The following CCDC120 variants were observed in gnomAD, a reference collection of about 807,000 sequenced individuals.
CCDC120 encodes the protein coiled-coil domain-containing protein 120.
In CCDC120, 16 loss-of-function variants were observed where a neutral mutation model predicts 37.6. That is an observed-to-expected ratio of 0.43 (90% CI 0.29 to 0.65). The LOEUF (loss-of-function observed/expected upper bound fraction) is 0.65, where lower values mean the gene tolerates loss of function less well. Ranked by LOEUF, CCDC120 falls within the 30% of genes least tolerant of loss-of-function variation. CCDC120 has a pLI of 0.18. For synonymous variants in CCDC120, 309 were observed against 275.4 expected (o/e 1.12, Z -1.21); for missense variants, 650 against 657.4 (o/e 0.99, Z 0.12).
At position 49,068,784 on chromosome X, in the gene CCDC120, C is replaced by A; in HGVS notation, c.*126C>A. ...AGCAGAGTGCGCCAACCTAATCTTCCAAGGCCCCTGGCTCCCCGTAGGCCC... is the reference window on the plus strand; with the variant it reads ...AGCAGAGTGCGCCAACCTAATCTTCAAAGGCCCCTGGCTCCCCGTAGGCCC... On this transcript the variant is annotated 3_prime_UTR_variant, in exon 11 of 11. Coordinates refer to ENST00000603986, the MANE Select transcript of CCDC120 (RefSeq NM_001163321.4). 3.0e-6 allele frequency: 2 copies of A among 668,432 alleles called. No homozygotes were observed. Among genetic ancestry groups the A allele is most frequent in the Non-Finnish European group, 4.0e-6 (2 of 503,042 alleles). 55.1% of individuals were successfully genotyped at this position (668,432 alleles called of 1,213,427 possible).
At chrX:49,056,033 C>T (rs1171193728), upstream of CCDC120, among the ~76,000 whole-genome samples, 1 of 111,706 alleles carries the variant, frequency 9.0e-6, no homozygotes, top group Non-Finnish European at 1.9e-5. Flanking sequence ...AGTGAGGGTA[C>T]CCTGTTATGT....
rs782047100 is a variant in CCDC120 at position 49,064,266 on chromosome X, A to G, written c.430-104A>G. 5 of 905,554 alleles carry G rather than the reference A, an allele frequency of 5.5e-6. No homozygotes were observed. The African/African-American group carries it at 1.0e-4, about 18-fold the overall frequency. 74.6% of individuals were successfully genotyped at this position (905,554 alleles called of 1,213,427 possible). On this transcript the variant is annotated intron_variant, in intron 5 of 10. Coordinates refer to ENST00000603986, the MANE Select transcript of CCDC120 (RefSeq NM_001163321.4). Reference sequence around the variant, plus strand: ...CTGACACGCCCCCTCCCCGGGGTGAATAGGTCTGAATAGGCTGCAGGAAGT... The same window carrying G: ...CTGACACGCCCCCTCCCCGGGGTGAGTAGGTCTGAATAGGCTGCAGGAAGT...
At chrX:49,064,328 C>A (rs782683830) in intron 5 of CCDC120, 42 bp from the exon 6 acceptor site, 2 of 1,127,830 alleles carry the variant, frequency 1.8e-6, no homozygotes, top group Admixed American at 5.8e-5. Context: ...CCCGCCAGGT[C>A]CCTGTTCCTG....
upstream of CCDC120, among the ~76,000 whole-genome samples, chrX:49,058,363 A>G (rs902559605): frequency 2.7e-5 from 3 of 112,770 alleles, no homozygotes; most frequent in Admixed American, 1.9e-4. Flanking sequence ...TTGGGAAACT[A>G]TTATTCCCCA....
Position 49,062,113 on chromosome X carries a change from A to G in CCDC120, c.63+9A>G. The stretch of plus-strand genomic sequence containing the variant: ...ACACGGATTCTGAAAGGGCAGGTCA[A>G]GCAGGCACGTGGGGCCCAGGTTACC... On this transcript the variant is annotated intron_variant, in intron 2 of 10. Transcript: ENST00000603986. 1 of 1,159,079 alleles carries G rather than the reference A, an allele frequency of 8.6e-7. No individual in the cohort carries two copies. The highest frequency in any genetic ancestry group is 1.9e-5 in the South Asian group (1 of 52,751).
intron 4 of CCDC120, 89 bp from the exon 5 acceptor site, chrX:49,063,772 T>C (rs1010401094): frequency 1.3e-5 from 13 of 1,024,352 alleles, no homozygotes; most frequent in Non-Finnish European, 1.7e-5. Context: ...AGGCTCCTGG[T>C]AGGACTTCTG....
chrX:49,062,028 T>C lies in CCDC120; in HGVS notation c.-14T>C. On this transcript the variant is annotated 5_prime_UTR_variant, in exon 2 of 11. Coordinates refer to ENST00000603986, the MANE Select transcript of CCDC120 (RefSeq NM_001163321.4). Reference sequence around the variant, plus strand: ...TAAGTCCGCCCAGCTCCCCACTTGCTGTGCTCTCACTCAATGCGAAGGGAA... The same window carrying C: ...TAAGTCCGCCCAGCTCCCCACTTGCCGTGCTCTCACTCAATGCGAAGGGAA... 8.6e-7 allele frequency: 1 copy of C among 1,156,420 alleles called. No homozygotes were observed. The highest frequency in any genetic ancestry group is 2.6e-5 in the Admixed American group (1 of 38,733).
chrX:49,063,755 C>A, intron 4 of CCDC120, 106 bp from the exon 5 acceptor site: 2 of 891,273 alleles, frequency 2.2e-6, no homozygotes, highest in African/African-American at 2.0e-5. Flanking sequence ...GGTTGCTGAG[C>A]AGGGCCAGGC....
Position 49,067,369 on chromosome X carries a change from T to A in CCDC120, c.1255T>A (p.Ser419Thr). 8.3e-7 allele frequency: 1 copy of A among 1,199,042 alleles called. No individual in the cohort carries two copies. Among genetic ancestry groups the A allele is most frequent in the South Asian group, 1.8e-5 (1 of 55,646 alleles). ...CTCCCCGCCTGCCCCTCTGGCTCCC[T>A]CTGCCTCTGGCCCCCCAGTCTGCAA... The part of the protein sequence containing the change: ...AGSPPAPLAP[S>T]ASGPPVCKSS... Residue 419 changes from serine to threonine, a missense_variant, in exon 10 of 11, where the codon TCT (serine) becomes ACT (threonine). By Grantham distance (58) the Ser-to-Thr change is moderately conservative. Around this residue, in one of 3 missense-constraint regions of CCDC120, gnomAD observed 576 missense variants for 565.3 expected, o/e 1.02. Transcript: ENST00000603986.
chrX:49,059,411 C>G lies in CCDC120; in HGVS notation c.-84+316C>G, dbSNP rs782528589. 9.8e-6 allele frequency: 7 copies of G among 714,928 alleles called. No individual in the cohort carries two copies. The East Asian group carries it at 9.3e-4, about 95-fold the overall frequency. The allele number at this position is 714,928 out of a possible 1,213,427, so 58.9% of individuals were successfully genotyped here. On this transcript the variant is annotated intron_variant, in intron 1 of 10. Transcript: ENST00000603986. ...CCACCCTATCCCTGCTTCCTTTCCT[C>G]CCCGCCAGGAGTAGCCTCTGTCCTC...
chrX:49,067,065 T>G, intron 9 of CCDC120, 111 bp from the exon 10 acceptor site: 2 of 665,795 alleles, frequency 3.0e-6, no homozygotes, highest in Non-Finnish European at 4.6e-6. Context: ...CTTGGGCCCA[T>G]TTGGAGATGT....
intron 3 of CCDC120, 22 bp downstream of exon 3, chrX:49,062,347 T>A: frequency 8.3e-7 from 1 of 1,204,605 alleles, no homozygotes; most frequent in Non-Finnish European, 1.1e-6. Context: ...CTTCCCCTCC[T>A]GCTGCCTCCT....
Position 49,067,982 on chromosome X carries a change from C to T in CCDC120, c.1868C>T (p.Pro623Leu). ...VLPSVGPPHP[P>L]FLHARCYEVG... The stretch of plus-strand genomic sequence containing the variant: ...CCTTCCGTGGGCCCGCCACACCCAC[C>T]CTTCCTCCATGCCCGCTGCTATGAG... The change falls in exon 10 of 11, where the codon CCC (proline) becomes CTC (leucine). Residue 623 changes from proline to leucine, a missense_variant. Physicochemically the swap from Pro to Leu is moderately conservative, Grantham distance 98. This residue lies in a region of CCDC120 where 576 missense variants were observed against 565.3 expected (regional missense o/e 1.02). Coordinates refer to ENST00000603986, the MANE Select transcript of CCDC120 (RefSeq NM_001163321.4). The T allele has an allele frequency of 1.7e-6, 2 of 1,160,955 alleles. No individual in the cohort carries two copies. The highest frequency in any genetic ancestry group is 2.3e-6 in the Non-Finnish European group (2 of 868,125).
intron 1 of CCDC120, among the ~76,000 whole-genome samples, chrX:49,059,583 A>G (rs2064859489): frequency 9.0e-6 from 1 of 111,616 alleles, no homozygotes. Flanking sequence ...AGACATTGAG[A>G]TTTTGTATTT....
chrX:49,057,425 C>T (rs2064838772), upstream of CCDC120, among the ~76,000 whole-genome samples: 1 of 112,381 alleles, frequency 8.9e-6, no homozygotes, highest in Non-Finnish European at 1.9e-5. Flanking sequence ...ATTCTCATCC[C>T]TCTTGGCTCT....
chrX:49,061,226 G>C (rs2064882618), intron 1 of CCDC120, among the ~76,000 whole-genome samples: 1 of 111,898 alleles, frequency 8.9e-6, no homozygotes. Context: ...CCCTACACTA[G>C]GCTCAGGACA....
rs1557082354 is a variant in CCDC120, at chrX:49,068,634, C to G, written c.2067C>G (p.Thr689=). The part of the protein sequence containing the change: ...LEGEQSSSSD[T]QTPGTLV ...GGGAGCAGTCCTCCAGTTCTGACAC[C>G]CAGACCCCGGGGACACTGGTCTGAC... is the stretch of plus-strand genomic sequence containing the variant. The change falls in exon 11 of 11, where the codon ACC becomes ACG. Residue 689 remains threonine (T), a synonymous_variant. Transcript: ENST00000603986. The G allele has an allele frequency of 8.7e-7, 1 of 1,153,608 alleles. No homozygotes were observed. Among genetic ancestry groups the G allele is most frequent in the Non-Finnish European group, 1.2e-6 (1 of 866,714 alleles).
At chrX:49,061,755 GGTTTAT>G in intron 1 of CCDC120, 198 bp from the exon 2 acceptor site, 1 of 397,517 alleles carries the variant, frequency 2.5e-6, no homozygotes, top group Non-Finnish European at 4.3e-6. Flanking sequence ...GGGTGGGCCT[GGTTTAT>G]GTCTGTGGCT....
In CCDC120 at chrX:49,064,384, G is replaced by A. The variant is rs1401379257; in HGVS notation, c.444G>A (p.Glu148=). 1.7e-6 allele frequency: 2 copies of A among 1,167,662 alleles called. No individual in the cohort carries two copies. Among genetic ancestry groups the A allele is most frequent in the African/African-American group, 3.6e-5 (2 of 55,981 alleles). The change falls in exon 6 of 11, where the codon GAG becomes GAA. Residue 148 remains glutamate, a synonymous_variant. Coordinates refer to ENST00000603986, the MANE Select transcript of CCDC120 (RefSeq NM_001163321.4). ...GGGCCCAACAGGAGCTGGCTCTTGA[G>A]GCCCTGGAACGCGAGGTGTCAGTGC... ...SLCPAEELAL[E]ALEREVSVQQ...
Sources: gnomAD v4.1 joint callset for allele counts (sites outside exome capture counted in the v4.1 genomes callset) on GRCh38, gnomAD v4.1.1 for gene constraint, gnomAD v4.1.1 regional missense constraint, MANE v1.5 for transcripts, NCBI Gene and HGNC (gene_info 2026-07-23, HGNC 2026-07-21) for gene names.